Variants in GRIK4 observed in about 807,000 individuals in gnomAD.
GRIK4 encodes the protein glutamate ionotropic receptor kainate type subunit 4.
GRIK4 carries 40 observed loss-of-function variants against 104.9 expected under a neutral mutation model. That is an observed-to-expected ratio of 0.38 (90% CI 0.30 to 0.50). The LOEUF is 0.50. Among genes scored for constraint, GRIK4 ranks in the 20% least tolerant of loss-of-function variants. GRIK4 has a pLI of 0.93. For missense variants in GRIK4, 1,047 were observed against 1,308.1 expected (o/e 0.80, Z 3.08); for synonymous variants, 485 against 524.9 (o/e 0.92, Z 1.04).
intron 8 of GRIK4, among the ~76,000 whole-genome samples, chr11:120,845,347 A>G (rs1263662780): frequency 5.3e-5 from 8 of 152,190 alleles, no homozygotes; most frequent in African/African-American, 1.9e-4. Flanking sequence ...AATCATGCTT[A>G]TCTCATAACA....
At chr11:120,519,712 A>C (rs1947772934) in intron 1 of GRIK4, among the ~76,000 whole-genome samples, 1 of 152,196 alleles carries the variant, frequency 6.6e-6, no homozygotes, top group African/African-American at 2.4e-5. Flanking sequence ...TAAGAAGCAG[A>C]GTTGAAATAT....
intron 3 of GRIK4, among the ~76,000 whole-genome samples, chr11:120,731,562 AG>A (rs1951131817): frequency 6.6e-6 from 1 of 152,150 alleles, no homozygotes; most frequent in African/African-American, 2.4e-5. Flanking sequence ...TTTTGTTCTC[AG>A]GGTAATACTG....
intron 1 of GRIK4, among the ~76,000 whole-genome samples, chr11:120,629,107 G>A (rs1489136802): frequency 6.6e-6 from 1 of 152,166 alleles, no homozygotes; most frequent in African/African-American, 2.4e-5. Flanking sequence ...GCCATGGAGG[G>A]TGTTGTGGAG....
chr11:120,566,968 ATTTTTTTTTT>A (rs572433053), intron 1 of GRIK4, among the ~76,000 whole-genome samples: 8 of 99,712 alleles, frequency 8.0e-5, no homozygotes, highest in East Asian at 2.7e-4. Flanking sequence ...CGGCCTCCTA[ATTTTTTTTTT>A]TTTTTTTTTT....
chr11:120,549,386 G>A lies in GRIK4; in HGVS notation c.-159+37499G>A, dbSNP rs903343160. Among the ~76,000 whole-genome samples the A allele has an allele frequency of 2.0e-5, 3 of 152,114 alleles. No homozygotes were observed. The highest frequency in any genetic ancestry group is 1.9e-4 in the East Asian group (1 of 5,188). ...CTCCCAAAGTGCTGGAATTATAGGC[G>A]TGAGCCACCGCGCCCGGCCTTGGCT... On this transcript the variant is annotated intron_variant, in intron 1 of 20. Transcript: ENST00000527524. This position sits in a 1 kb window ranked among gnomAD's most constrained non-coding sequence, Gnocchi z 4.7.
In GRIK4 at chr11:120,547,423, G is replaced by A. The variant is rs1203967170; in HGVS notation, c.-159+35536G>A. Among the ~76,000 whole-genome samples the A allele has an allele frequency of 3.3e-5, 5 of 152,322 alleles. No homozygotes were observed. The East Asian group carries it at 9.6e-4, about 29-fold the overall frequency. On this transcript the variant is annotated intron_variant, in intron 1 of 20. Transcript: ENST00000527524. ...GATGAGTGAATAGCGTGGTGAGATG[G>A]AGCTGGGCTCCTTTAGACTCTGGTC...
chr11:120,864,210 TTTATTTA>T (rs1954336617), intron 9 of GRIK4, among the ~76,000 whole-genome samples: 4 of 11,606 alleles, frequency 3.4e-4, no homozygotes, highest in African/African-American at 1.0e-3. Flanking sequence ...TTTATTTTTA[TTTATTTA>T]TTTATTTATT....
intron 3 of GRIK4, among the ~76,000 whole-genome samples, chr11:120,739,875 T>G (rs751368): frequency 0.58 from 88,411 of 152,060 alleles, 26,073 homozygotes; most frequent in Middle Eastern, 0.65. Context: ...CAGAGGTGAC[T>G]TTTGTGGCTC....
intron 3 of GRIK4, among the ~76,000 whole-genome samples, chr11:120,679,363 T>C (rs895610005): frequency 1.2e-4 from 18 of 152,150 alleles, no homozygotes; most frequent in Non-Finnish European, 8.8e-5. Flanking sequence ...AGGAAAAGAA[T>C]GGAAAACCTA....
At chr11:120,839,673 T>C (rs919460289) in intron 8 of GRIK4, among the ~76,000 whole-genome samples, 3 of 152,206 alleles carry the variant, frequency 2.0e-5, no homozygotes, top group Non-Finnish European at 2.9e-5. Context: ...CTAGGTAGTA[T>C]GGTTATTGTG....
intron 8 of GRIK4, among the ~76,000 whole-genome samples, chr11:120,857,607 A>G (rs1362765923): frequency 1.3e-5 from 2 of 152,180 alleles, no homozygotes; most frequent in Admixed American, 6.5e-5. Flanking sequence ...AAATACAATA[A>G]TGCAATTCAC....
At chr11:120,862,876 A>G (rs1417159407) in intron 9 of GRIK4, among the ~76,000 whole-genome samples, 2 of 152,108 alleles carry the variant, frequency 1.3e-5, no homozygotes, top group Non-Finnish European at 2.9e-5. Flanking sequence ...ATTATACACA[A>G]TATTTTATTT....
intron 11 of GRIK4, among the ~76,000 whole-genome samples, chr11:120,885,248 CCTGCCATGCA>C (rs1955084164): frequency 6.6e-6 from 1 of 152,258 alleles, no homozygotes; most frequent in Admixed American, 6.5e-5. Context: ...GTTGACTGAT[CCTGCCATGCA>C]CTCCGCACAC....
In GRIK4 at chr11:120,953,628, C is replaced by T. The variant is rs139975659; in HGVS notation, c.1700+664C>T. 4.6e-5 allele frequency among the ~76,000 whole-genome samples: 7 copies of T among 152,180 alleles called. No homozygotes were observed. The East Asian group carries it at 1.4e-3, about 30-fold the overall frequency. ...AGACCAGGGAGGGGGGAGAATAAGC[C>T]CTGCCCTATCCCCAGGAAACCAGGG... On this transcript the variant is annotated intron_variant, in intron 15 of 20. Transcript: ENST00000527524. This position sits in a 1 kb window ranked among gnomAD's most constrained non-coding sequence, Gnocchi z 4.9.
intron 3 of GRIK4, among the ~76,000 whole-genome samples, chr11:120,802,138 T>C (rs1952631394): frequency 6.6e-6 from 1 of 152,116 alleles, no homozygotes; most frequent in African/African-American, 2.4e-5. Context: ...GGAAAAGAGG[T>C]TCAGAGAAAC....
At chr11:120,803,961 T>C (rs1290473990) in intron 4 of GRIK4, among the ~76,000 whole-genome samples, 1 of 152,178 alleles carries the variant, frequency 6.6e-6, no homozygotes, top group Non-Finnish European at 1.5e-5. Context: ...AGCTAGTCAA[T>C]GGCTGAGCTG....
intron 6 of GRIK4, among the ~76,000 whole-genome samples, chr11:120,825,440 G>T (rs1565375582): frequency 6.6e-6 from 1 of 152,218 alleles, no homozygotes; most frequent in Non-Finnish European, 1.5e-5. Context: ...CCACACCGAG[G>T]AAATGCTCGG....
At chr11:120,911,240 CT>C (rs202173501) in intron 13 of GRIK4, among the ~76,000 whole-genome samples, 3,884 of 137,644 alleles carry the variant, frequency 0.028, 156 homozygotes, top group African/African-American at 0.089. Flanking sequence ...CCAAAATTCT[CT>C]TTTTTTTTTT....
chr11:120,622,026 G>A (rs1199237817), intron 1 of GRIK4, among the ~76,000 whole-genome samples: 1 of 151,742 alleles, frequency 6.6e-6, no homozygotes, highest in Non-Finnish European at 1.5e-5. Context: ...TCAGCCTCCC[G>A]AGTAGCTGTG....
Sources: allele counts gnomAD v4.1 joint callset (sites outside exome capture counted in the v4.1 genomes callset), GRCh38; gene constraint gnomAD v4.1.1; non-coding constraint Gnocchi (gnomAD v3.1); transcripts MANE v1.5; gene names NCBI Gene and HGNC (gene_info 2026-07-23, HGNC 2026-07-21).